CASTOR1: variants seen among roughly 807,000 people sequenced by gnomAD.
The protein encoded by CASTOR1 is cytosolic arginine sensor for mTORC1 subunit 1, also known as GATS protein like 3.
A neutral mutation model predicts 33.7 loss-of-function variants in CASTOR1; 18 were observed. The observed-to-expected ratio is 0.53, with a 90% CI of 0.37 to 0.79. The LOEUF (loss-of-function observed/expected upper bound fraction) is 0.79, where lower values mean the gene tolerates loss of function less well. Ranked by LOEUF, CASTOR1 falls within the 30% of genes least tolerant of loss-of-function variation. CASTOR1 has a pLI of 0.00. For missense variants in CASTOR1, 362 were observed against 446.3 expected (o/e 0.81, Z 1.70); for synonymous variants, 175 against 190.6 (o/e 0.92, Z 0.67).
In CASTOR1 at chr22:30,286,890, T is replaced by C. The variant is rs757841487; in HGVS notation, c.564A>G (p.Thr188=). 3 of 1,614,082 alleles carry C rather than the reference T, an allele frequency of 1.9e-6. No homozygotes were observed. The change falls in exon 5 of 9, where the codon ACA becomes ACG. Residue 188 remains threonine (T), a synonymous_variant. Coordinates refer to ENST00000407689, the MANE Select transcript of CASTOR1 (RefSeq NM_001037666.3). The part of the protein sequence containing the change: ...QSPQNRFCVL[T]LDPETLPAIA... Reference sequence around the variant, plus strand: ...TGGCTGGAAGCGTCTCAGGGTCCAGTGTGAGGACACAGAAGCGGTTCTGTG... The same window carrying C: ...TGGCTGGAAGCGTCTCAGGGTCCAGCGTGAGGACACAGAAGCGGTTCTGTG...
intron 1 of CASTOR1, 83 bp downstream of exon 1, chr22:30,289,302 G>C (rs537505499): frequency 2.1e-4 from 219 of 1,051,844 alleles, no homozygotes; most frequent in Non-Finnish European, 2.8e-4. Context: ...CCTGCCTTAC[G>C]GCGATCCTAA....
Position 30,287,173 on chromosome 22 carries a change from A to T in CASTOR1, c.487T>A (p.Phe163Ile). The change falls in exon 4 of 9, where the codon TTT (phenylalanine) becomes ATT (isoleucine). Residue 163 changes from phenylalanine (F) to isoleucine (I), a missense_variant. Transcript: ENST00000407689. ...CCCTCACCATGCTGAGTGCGGGGAAAGCCATTGCTGGAATCATCCCTCGTC... is the reference window on the plus strand; with the variant it reads ...CCCTCACCATGCTGAGTGCGGGGAATGCCATTGCTGGAATCATCCCTCGTC... ...PVTRDDSSNG[F>I]PRTQHGPSPT... The T allele has an allele frequency of 6.2e-7, 1 of 1,611,052 alleles. No individual in the cohort carries two copies. Among genetic ancestry groups the T allele is most frequent in the Middle Eastern group, 1.7e-4 (1 of 6,048 alleles).
In CASTOR1 at chr22:30,286,209, C is replaced by A. The variant is rs1372775796; in HGVS notation, c.743+54G>T. ...TCAGAGTCTGATGCCCCACCTCCTC[C>A]CTGCCTGGGACTGGCTGGGGCCTGG... On this transcript the variant is annotated intron_variant, in intron 6 of 8. Coordinates refer to ENST00000407689, the MANE Select transcript of CASTOR1 (RefSeq NM_001037666.3). 2.0e-6 allele frequency: 3 copies of A among 1,488,076 alleles called. No homozygotes were observed. The Admixed American group carries it at 5.3e-5, about 26-fold the overall frequency. 92.2% of individuals were successfully genotyped at this position (1,488,076 alleles called of 1,614,324 possible).
rs1057432254 is a variant in CASTOR1 at position 30,286,432 on chromosome 22, G to A, written c.630-56C>T. 6 of 1,200,826 alleles carry A rather than the reference G, an allele frequency of 5.0e-6. No homozygotes were observed. In the African/African-American group the frequency reaches 6.0e-5, roughly 12 times the overall value. 74.4% of individuals were successfully genotyped at this position (1,200,826 alleles called of 1,614,324 possible). A position where few individuals can be genotyped will look rare whatever the true frequency, so the allele number is the denominator to read the frequency against. On this transcript the variant is annotated intron_variant, in intron 5 of 8. Coordinates refer to ENST00000407689, the MANE Select transcript of CASTOR1 (RefSeq NM_001037666.3). ...ACCAGGCACCCAGCCTACTGCCCCT[G>A]CTCCCGATCAGCCTCCAGAACCCTG...
chr22:30,289,387 G>A lies in CASTOR1; in HGVS notation c.111C>T (p.Ser37=). 6.3e-7 allele frequency: 1 copy of A among 1,599,672 alleles called. No homozygotes were observed. The highest frequency in any genetic ancestry group is 1.1e-5 in the South Asian group (1 of 90,328). The change falls in exon 1 of 9, where the codon AGC becomes AGT. Residue 37 remains serine, a splice_region_variant and synonymous_variant. Transcript: ENST00000407689. The part of the protein sequence containing the change: ...LIKLLFLPRR[S]RCKFFSLTET... ...CGCTCCCGAACCCGGGCGCGCACCG[G>A]CTGCGGCGGGGCAGGAAGAGCAGCT... is the stretch of plus-strand genomic sequence containing the variant.
intron 5 of CASTOR1, 67 bp downstream of exon 5, chr22:30,286,758 C>A: frequency 5.0e-6 from 8 of 1,601,710 alleles, no homozygotes; most frequent in Non-Finnish European, 6.8e-6. Context: ...GATAGATGGG[C>A]GGAAAGTGGT....
rs772460830 is a variant in CASTOR1 at position 30,289,450 on chromosome 22, G to C, written c.48C>G (p.Ala16=). ...LEHRVRVLSV[A]RPGLWLYTHP... Reference sequence around the variant, plus strand: ...GGGTGTAGAGCCAGAGACCGGGACGGGCGACGCTCAGCACCCGCACCCGGT... The same window carrying C: ...GGGTGTAGAGCCAGAGACCGGGACGCGCGACGCTCAGCACCCGCACCCGGT... The change falls in exon 1 of 9, where the codon GCC becomes GCG. Residue 16 remains alanine (A), a synonymous_variant. Transcript: ENST00000407689. 2.5e-6 allele frequency: 4 copies of C among 1,599,406 alleles called. No individual in the cohort carries two copies. Among genetic ancestry groups the C allele is most frequent in the Non-Finnish European group, 3.4e-6 (4 of 1,176,810 alleles).
chr22:30,288,657 G>A (rs1476450403), intron 2 of CASTOR1, 49 bp downstream of exon 2: 17 of 1,496,858 alleles, frequency 1.1e-5, no homozygotes, highest in Non-Finnish European at 1.6e-5. Flanking sequence ...TACAGAAGGG[G>A]AGCACGACAA....
In CASTOR1 at chr22:30,289,444, G is replaced by C. The variant is rs534962541; in HGVS notation, c.54C>G (p.Pro18=). The change falls in exon 1 of 9, where the codon CCC becomes CCG. Residue 18 remains proline, a synonymous_variant. Transcript: ENST00000407689. ...GCGGGTGGGTGTAGAGCCAGAGACCGGGACGGGCGACGCTCAGCACCCGCA... is the reference window on the plus strand; with the variant it reads ...GCGGGTGGGTGTAGAGCCAGAGACCCGGACGGGCGACGCTCAGCACCCGCA... ...HRVRVLSVAR[P]GLWLYTHPLI... 1.1e-5 allele frequency: 18 copies of C among 1,599,868 alleles called. No individual in the cohort carries two copies. The highest frequency in any genetic ancestry group is 1.7e-5 in the Admixed American group (1 of 59,550).
rs370019964 is a variant in CASTOR1, at chr22:30,285,938, G to A, written c.827-12C>T. ...GATGCCACATTCATCTGAGGGTGGTGGAGGAAGGCCACATGTGGCACATGC... is the reference window on the plus strand; with the variant it reads ...GATGCCACATTCATCTGAGGGTGGTAGAGGAAGGCCACATGTGGCACATGC... On this transcript the variant is annotated splice_polypyrimidine_tract_variant and intron_variant, in intron 7 of 8. Coordinates refer to ENST00000407689, the MANE Select transcript of CASTOR1 (RefSeq NM_001037666.3). 41 of 1,597,194 alleles carry A rather than the reference G, an allele frequency of 2.6e-5. No homozygotes were observed. In the African/African-American group the frequency reaches 5.3e-4, roughly 20 times the overall value.
rs753767134 is a variant in CASTOR1 at position 30,287,306 on chromosome 22, C to T, written c.373-19G>A. On this transcript the variant is annotated intron_variant, in intron 3 of 8. Transcript: ENST00000407689. The stretch of plus-strand genomic sequence containing the variant: ...CCCGCACCTGGGCCACAGCAGATGG[C>T]ACATCACATGGGCTCCCAGGTACCT... 4 of 1,574,476 alleles carry T rather than the reference C, an allele frequency of 2.5e-6. No individual in the cohort carries two copies. Among genetic ancestry groups the T allele is most frequent in the Non-Finnish European group, 3.5e-6 (4 of 1,156,262 alleles).
At chr22:30,289,005 G>A (rs1929862736) in intron 1 of CASTOR1, 3 of 557,982 alleles carry the variant, frequency 5.4e-6, no homozygotes, top group African/African-American at 1.9e-5. Context: ...CACTCCTGGA[G>A]GGAGGAGAGG....
chr22:30,285,978 A>G, intron 7 of CASTOR1, 38 bp downstream of exon 7: 2 of 1,580,568 alleles, frequency 1.3e-6, no homozygotes, highest in African/African-American at 1.3e-5. Context: ...TGCTCCCCAG[A>G]CACTCCCCAG....
At chr22:30,286,676 A>G in intron 5 of CASTOR1, 149 bp downstream of exon 5, 1 of 1,029,312 alleles carries the variant, frequency 9.7e-7, no homozygotes, top group Non-Finnish European at 1.5e-6. Context: ...TTCCCCGAAC[A>G]TCAGTGAAGC....
At chr22:30,287,679 G>T in intron 2 of CASTOR1, 119 bp from the exon 3 acceptor site, 4 of 984,958 alleles carry the variant, frequency 4.1e-6, no homozygotes, top group Non-Finnish European at 6.1e-6. Flanking sequence ...AGGTCTGGAG[G>T]CTGGGGCTCC....
At chr22:30,289,337 G>C (rs949459160) in intron 1 of CASTOR1, 48 bp downstream of exon 1, 13 of 1,333,908 alleles carry the variant, frequency 9.7e-6, no homozygotes, top group African/African-American at 2.9e-5. Context: ...CCCGGAGCGA[G>C]AGCAGAGCCC....
chr22:30,289,505 CG>C (rs1307883159), upstream of CASTOR1: 1 of 1,543,044 alleles, frequency 6.5e-7, no homozygotes, highest in Non-Finnish European at 8.7e-7. Flanking sequence ...CATCGCGGCT[CG>C]CGCGGACCCG....
chr22:30,286,440 T>G, intron 5 of CASTOR1, 64 bp from the exon 6 acceptor site: 2 of 1,133,326 alleles, frequency 1.8e-6, no homozygotes, highest in Non-Finnish European at 2.6e-6. Flanking sequence ...CTGCTCCCGA[T>G]CAGCCTCCAG....
At chr22:30,286,735 GA>G (rs1323199021) in intron 5 of CASTOR1, 89 bp downstream of exon 5, 1 of 1,519,586 alleles carries the variant, frequency 6.6e-7, no homozygotes, top group Non-Finnish European at 9.1e-7. Context: ...GGACAAGCAA[GA>G]GGTGCAAAAC....
Sources: allele counts gnomAD v4.1 joint callset, GRCh38; gene constraint gnomAD v4.1.1; transcripts MANE v1.5; gene names NCBI Gene and HGNC (gene_info 2026-07-23, HGNC 2026-07-21).